HSPA12A: variants seen among roughly 807,000 people sequenced by gnomAD.
The protein encoded by HSPA12A is heat shock 70 kDa protein 12A.
HSPA12A carries 28 observed loss-of-function variants against 69.2 expected under a neutral mutation model. That is an observed-to-expected ratio of 0.40 (90% confidence interval 0.30 to 0.55). The LOEUF is 0.55. HSPA12A is among the 20% of genes least tolerant of loss of function. The pLI is 0.38. For synonymous variants in HSPA12A, 345 were observed against 370.5 expected, an observed-to-expected ratio of 0.93 and a Z score of 0.79; for missense variants, 686 against 900.7, an observed-to-expected ratio of 0.76 and a Z score of 3.05.
At chr10:116,835,232 T>C (rs2133214885) in intron 1 of HSPA12A, 1 of 289,942 alleles carries the variant, frequency 3.4e-6, no homozygotes, top group Non-Finnish European at 6.4e-6. Context: ...GCAAGGTGCT[T>C]AGCCCTGAGT....
chr10:116,754,941 C>T (rs112964663), intron 2 of HSPA12A, among the ~76,000 whole-genome samples: 7 of 152,180 alleles, frequency 4.6e-5, no homozygotes, highest in Middle Eastern at 3.4e-3. Flanking sequence ...CAAAAGAAAA[C>T]AACTATATTT....
chr10:116,764,902 T>C (rs1554889614), intron 2 of HSPA12A, among the ~76,000 whole-genome samples: 1 of 152,192 alleles, frequency 6.6e-6, no homozygotes, highest in Non-Finnish European at 1.5e-5. Flanking sequence ...TTTCTAATGA[T>C]AAAAAGAACA....
At chr10:116,708,318 T>G (rs1850323950) in intron 1 of HSPA12A, 1 of 152,168 alleles carries the variant, frequency 6.6e-6, no homozygotes, top group Non-Finnish European at 1.5e-5. Flanking sequence ...ACATACGTAC[T>G]GAAACCTGCT....
chr10:116,821,633 G>A (rs186401062), intron 2 of HSPA12A, among the ~76,000 whole-genome samples: 2 of 152,396 alleles, frequency 1.3e-5, no homozygotes, highest in East Asian at 3.9e-4. Flanking sequence ...GCTGCATAAT[G>A]TGTAGAACTG....
chr10:116,705,630 A>AGCCCTGCT (rs1398118153), intron 2 of HSPA12A, among the ~76,000 whole-genome samples: 1 of 152,232 alleles, frequency 6.6e-6, no homozygotes, highest in Non-Finnish European at 1.5e-5. Flanking sequence ...TCTTCTTCCA[A>AGCCCTGCT]GCCCTGCTGC....
chr10:116,692,762 T>C (rs1849772917), intron 5 of HSPA12A, among the ~76,000 whole-genome samples: 1 of 152,192 alleles, frequency 6.6e-6, no homozygotes, highest in Non-Finnish European at 1.5e-5. Flanking sequence ...GACAACCTCT[T>C]AGGCCTCAGT....
chr10:116,737,404 A>G (rs782008994), intron 1 of HSPA12A, among the ~76,000 whole-genome samples: 43 of 152,290 alleles, frequency 2.8e-4, no homozygotes, highest in Non-Finnish European at 5.6e-4. Flanking sequence ...AGATGCAGCA[A>G]CGTTAAACCC....
At position 116,805,416 on chromosome 10, in the gene HSPA12A, G is replaced by A. The variant is rs527400004; in HGVS notation, c.91+29519C>T. ...AATTCCTAGATCATTTTTTACTGCT[G>A]AGAAAACTAAACATTTTAGCCATGT... On this transcript the variant is annotated intron_variant, in intron 2 of 12. Coordinates refer to the HSPA12A transcript ENST00000635765. 8.0e-4 allele frequency among the ~76,000 whole-genome samples: 121 copies of A among 152,094 alleles called. 1 individual carries two copies. The highest frequency in any genetic ancestry group is 6.8e-3 in the Middle Eastern group (2 of 294).
rs575865885 is a variant in HSPA12A at position 116,741,404 on chromosome 10, G to A, written c.40+1026C>T. Among the ~76,000 whole-genome samples, 175 of 152,340 alleles carry A rather than the reference G, an allele frequency of 1.1e-3. 1 individual carries two copies. The highest frequency in any genetic ancestry group is 4.1e-3 in the African/African-American group (172 of 41,584). On this transcript the variant is annotated intron_variant, in intron 1 of 11. Transcript: ENST00000369209. ...CGTGGCTGAATCTCCCTTGCGTCCC[G>A]GCATTTTAATATCATCCTCGCAGGC...
chr10:116,724,960 G>A (rs1032330724), intron 1 of HSPA12A, among the ~76,000 whole-genome samples: 16 of 152,304 alleles, frequency 1.1e-4, no homozygotes, highest in African/African-American at 3.9e-4. Context: ...CAACACCGTG[G>A]TGCAGGCTCT....
chr10:116,708,926 T>C (rs1224742286), intron 1 of HSPA12A, among the ~76,000 whole-genome samples: 6 of 152,190 alleles, frequency 3.9e-5, no homozygotes, highest in Non-Finnish European at 8.8e-5. Context: ...ATTGGAATCC[T>C]TGAGCATTGC....
intron 2 of HSPA12A, among the ~76,000 whole-genome samples, chr10:116,787,289 A>G (rs1844599146): frequency 6.6e-6 from 1 of 152,056 alleles, no homozygotes; most frequent in African/African-American, 2.4e-5. Flanking sequence ...CACTCTTAAT[A>G]ATTTAGTCAA....
At chr10:116,760,858 A>G (rs150502805) in intron 2 of HSPA12A, among the ~76,000 whole-genome samples, 143 of 152,326 alleles carry the variant, frequency 9.4e-4, no homozygotes, top group Non-Finnish European at 1.7e-3. Flanking sequence ...GTATAAGTGT[A>G]GGCAGTCGTC....
intron 1 of HSPA12A, among the ~76,000 whole-genome samples, chr10:116,842,907 T>G (rs1456329254): frequency 6.6e-6 from 1 of 152,216 alleles, no homozygotes. Context: ...AAAGTTTCTT[T>G]TGCTCGATCT....
intron 2 of HSPA12A, among the ~76,000 whole-genome samples, chr10:116,770,790 C>A (rs985463314): frequency 3.9e-5 from 6 of 152,214 alleles, no homozygotes; most frequent in African/African-American, 1.4e-4. Flanking sequence ...GCCCAGCCTC[C>A]CCTCACCAAC....
intron 2 of HSPA12A, among the ~76,000 whole-genome samples, chr10:116,818,459 T>C (rs1845348883): frequency 6.6e-6 from 1 of 151,738 alleles, no homozygotes; most frequent in Non-Finnish European, 1.5e-5. Flanking sequence ...AGGTTGTCTC[T>C]CTTGGCCCCT....
At chr10:116,765,743 C>T (rs972220955) in intron 2 of HSPA12A, among the ~76,000 whole-genome samples, 1 of 152,156 alleles carries the variant, frequency 6.6e-6, no homozygotes, top group Non-Finnish European at 1.5e-5. Context: ...CTGCTGTTCT[C>T]GAGGGTGGTG....
chr10:116,798,703 T>C (rs560712127), intron 2 of HSPA12A, among the ~76,000 whole-genome samples: 3 of 152,316 alleles, frequency 2.0e-5, no homozygotes, highest in African/African-American at 7.2e-5. Context: ...TACATTCATT[T>C]GTTGAACTGA....
chr10:116,849,999 G>A (rs2133236512), upstream of HSPA12A: 2 of 630,820 alleles, frequency 3.2e-6, no homozygotes, highest in Admixed American at 5.0e-5. Flanking sequence ...GGCAGCCCAG[G>A]GGCTGGCAGG....
Sources: gnomAD v4.1 joint callset for allele counts (sites outside exome capture counted in the v4.1 genomes callset) on GRCh38, gnomAD v4.1.1 for gene constraint, MANE v1.5 for transcripts, NCBI Gene and HGNC (gene_info 2026-07-23, HGNC 2026-07-21) for gene names.